Variants in SRGAP2B observed in about 807,000 individuals in gnomAD.
SRGAP2B encodes the protein SLIT-ROBO Rho GTPase activating protein 2B.
SRGAP2B carries 9 observed loss-of-function variants against 22.2 expected under a neutral mutation model. The ratio of observed to expected loss-of-function variants is 0.41; its 90% CI spans 0.24 to 0.71. The LOEUF (loss-of-function observed/expected upper bound fraction) is 0.71. Among genes scored for constraint, SRGAP2B ranks in the 30% least tolerant of loss-of-function variants. The pLI is 0.35. For missense variants in SRGAP2B, 114 were observed against 235.8 expected, an observed-to-expected ratio of 0.48 and a Z score of 3.38; for synonymous variants, 36 against 87.4, an observed-to-expected ratio of 0.41 and a Z score of 3.28.
In SRGAP2B at chr1:144,992,940, A is replaced by T. The variant is rs587761707; in HGVS notation, c.260+2068T>A. ...GAAGGTAGATAGTGCTGAATGCCCTAAGAGAAGAACAAATAAAATGCTGTA... is the reference window on the plus strand; with the variant it reads ...GAAGGTAGATAGTGCTGAATGCCCTTAGAGAAGAACAAATAAAATGCTGTA... On this transcript the variant is annotated intron_variant, in intron 3 of 9. Coordinates refer to ENST00000612199, the Ensembl canonical transcript of SRGAP2B. Among the ~76,000 whole-genome samples the T allele has an allele frequency of 7.4e-4, 113 of 151,780 alleles. No individual in the cohort carries two copies. In the East Asian group the frequency reaches 0.02, roughly 27 times the overall value.
exon 6 of SRGAP2B, chr1:144,906,064 G>A (rs1662969884): frequency 1.4e-6 from 1 of 709,394 alleles, no homozygotes; most frequent in Non-Finnish European, 2.6e-6. Context: ...CATGTGATAT[G>A]TCTTCATGAC....
At chr1:144,992,015 G>A (rs1253163967) in intron 3 of SRGAP2B, among the ~76,000 whole-genome samples, 1 of 148,428 alleles carries the variant, frequency 6.7e-6, no homozygotes, top group African/African-American at 2.6e-5. Flanking sequence ...GGTCCATGCT[G>A]CTTTTATGAG....
rs1437471967 is a variant in SRGAP2B, at chr1:144,941,143, T to G, written c.423+14296A>C. On this transcript the variant is annotated intron_variant, in intron 4 of 9. Transcript: ENST00000612199. The stretch of plus-strand genomic sequence containing the variant: ...ACACGTTACTACTTTTTAAAATTTT[T>G]TCTTTTCTTTCATAGCCTTAACTGA... 6.9e-5 allele frequency among the ~76,000 whole-genome samples: 10 copies of G among 145,174 alleles called. No individual in the cohort carries two copies. In the South Asian group the frequency reaches 2.0e-3, roughly 29 times the overall value.
intron 2 of SRGAP2B, among the ~76,000 whole-genome samples, chr1:145,040,433 CTTAAA>C (rs1649088699): frequency 6.7e-6 from 1 of 148,856 alleles, no homozygotes; most frequent in African/African-American, 2.5e-5. Context: ...CTCCTCAAAA[CTTAAA>C]TTAGATCATT....
intron 2 of SRGAP2B, among the ~76,000 whole-genome samples, chr1:145,045,344 A>G (rs1253074551): frequency 6.9e-6 from 1 of 144,642 alleles, no homozygotes; most frequent in Non-Finnish European, 1.5e-5. Context: ...AAAGAGAGAG[A>G]GAGTGAAGGA....
intron 2 of SRGAP2B, among the ~76,000 whole-genome samples, chr1:145,088,394 G>A (rs1211989927): frequency 7.7e-6 from 1 of 129,552 alleles, no homozygotes; most frequent in Non-Finnish European, 1.6e-5. Flanking sequence ...GCTCCAGATG[G>A]AAATTACAAA....
At chr1:144,948,906 CCTCT>C (rs1666659494) in intron 4 of SRGAP2B, among the ~76,000 whole-genome samples, 1 of 121,924 alleles carries the variant, frequency 8.2e-6, no homozygotes, top group Non-Finnish European at 1.7e-5. Flanking sequence ...AGAATATGGA[CCTCT>C]TTTTTTTTTT....
intron 2 of SRGAP2B, among the ~76,000 whole-genome samples, chr1:145,040,451 A>G (rs1649092107): frequency 6.7e-6 from 1 of 150,048 alleles, no homozygotes; most frequent in African/African-American, 2.5e-5. Flanking sequence ...AGATCATTTA[A>G]TTCAGGGATA....
chr1:144,942,348 A>G (rs1310604835), intron 4 of SRGAP2B, among the ~76,000 whole-genome samples: 1 of 149,394 alleles, frequency 6.7e-6, no homozygotes, highest in Admixed American at 6.7e-5. Context: ...ACAAACTACT[A>G]TTTGCATGGT....
intron 4 of SRGAP2B, among the ~76,000 whole-genome samples, chr1:144,922,779 C>A (rs1436669465): frequency 6.6e-6 from 1 of 150,672 alleles, no homozygotes; most frequent in Non-Finnish European, 1.5e-5. Context: ...ACCAAAACCA[C>A]CCATCAAGTT....
At chr1:145,038,614 TACTC>T (rs1648916083) in intron 2 of SRGAP2B, among the ~76,000 whole-genome samples, 1 of 146,982 alleles carries the variant, frequency 6.8e-6, no homozygotes, top group Non-Finnish European at 1.5e-5. Context: ...GCAAAACTAT[TACTC>T]AACTGTTTCT....
chr1:144,902,873 A>G (rs1399155275), intron 7 of SRGAP2B, among the ~76,000 whole-genome samples: 2 of 90,696 alleles, frequency 2.2e-5, no homozygotes, highest in East Asian at 3.4e-4. Flanking sequence ...CTCTTTTTCA[A>G]TGGCATGTCA....
Position 144,990,795 on chromosome 1 carries a change from C to T in SRGAP2B, c.260+4213G>A, listed in dbSNP as rs1553616923. Among the ~76,000 whole-genome samples, 14 of 151,468 alleles carry T rather than the reference C, an allele frequency of 9.2e-5. No individual in the cohort carries two copies. In the South Asian group the frequency reaches 2.9e-3, roughly 31 times the overall value. On this transcript the variant is annotated intron_variant, in intron 3 of 9. Coordinates refer to ENST00000612199, the Ensembl canonical transcript of SRGAP2B. ...GCAATGGGGGACTTAGCACCCGGGC[C>T]AGTGGCTGCGGAGGGTGTACTGAGT...
intron 2 of SRGAP2B, among the ~76,000 whole-genome samples, chr1:145,020,761 G>C (rs1419925919): frequency 6.7e-6 from 1 of 150,038 alleles, no homozygotes; most frequent in Non-Finnish European, 1.5e-5. Flanking sequence ...TCACCTACTT[G>C]GTAGTGGCTA....
chr1:144,964,801 C>T (rs1163930755), intron 3 of SRGAP2B, among the ~76,000 whole-genome samples: 1 of 150,564 alleles, frequency 6.6e-6, no homozygotes, highest in Non-Finnish European at 1.5e-5. Flanking sequence ...TGCCTGTACT[C>T]CTGGCTACTC....
intron 2 of SRGAP2B, among the ~76,000 whole-genome samples, chr1:145,036,230 T>C (rs1392100385): frequency 7.8e-6 from 1 of 128,596 alleles, no homozygotes; most frequent in African/African-American, 3.1e-5. Flanking sequence ...AGTCAGTCTC[T>C]TACAGTGAGA....
chr1:144,911,463 T>C (rs1663406422), intron 5 of SRGAP2B, among the ~76,000 whole-genome samples: 1 of 149,522 alleles, frequency 6.7e-6, no homozygotes, highest in Non-Finnish European at 1.5e-5. Context: ...CCTAGAACTT[T>C]TCCAGTTTCA....
chr1:144,995,026 G>A, exon 3 of SRGAP2B: 2 of 1,542,752 alleles, frequency 1.3e-6, no homozygotes, highest in Non-Finnish European at 1.7e-6. Flanking sequence ...CTGGTCCTTG[G>A]TGCTGCATGT....
chr1:144,934,396 T>C (rs1553606060), intron 4 of SRGAP2B, among the ~76,000 whole-genome samples: 6 of 73,156 alleles, frequency 8.2e-5, no homozygotes, highest in Admixed American at 2.0e-4. Flanking sequence ...AGAGCAAAAC[T>C]CCATCTCAAA....
Sources: allele counts gnomAD v4.1 joint callset (sites outside exome capture counted in the v4.1 genomes callset), GRCh38; gene constraint gnomAD v4.1.1; transcripts MANE v1.5; gene names NCBI Gene and HGNC (gene_info 2026-07-23, HGNC 2026-07-21).